The following ZNF98 variants were observed in gnomAD, a reference collection of about 807,000 sequenced individuals.
The protein encoded by ZNF98 is zinc finger protein 739.
ZNF98 carries 8 observed loss-of-function variants against 12.8 expected under a neutral mutation model. That is an observed-to-expected ratio of 0.63 (90% CI 0.37 to 1.13). ZNF98 has a LOEUF of 1.13. Ranked by LOEUF, ZNF98 falls within the 50% of genes most tolerant of loss-of-function variation. The pLI, the probability that ZNF98 is intolerant of heterozygous loss-of-function variation, is 0.01. For synonymous variants in ZNF98, 112 were observed against 223.5 expected (o/e 0.50, Z 4.45); for missense variants, 379 against 666.1 (o/e 0.57, Z 4.74).
chr19:22,404,903 C>T (rs1201652667), intron 1 of ZNF98, among the ~76,000 whole-genome samples: 2 of 152,064 alleles, frequency 1.3e-5, no homozygotes, highest in Non-Finnish European at 2.9e-5. Flanking sequence ...AGAGATAGAA[C>T]CTCAACATTA....
At chr19:22,417,083 G>C (rs1454006709) in intron 1 of ZNF98, among the ~76,000 whole-genome samples, 1 of 151,980 alleles carries the variant, frequency 6.6e-6, no homozygotes, top group Non-Finnish European at 1.5e-5. Flanking sequence ...TACAAAATTA[G>C]CCAGGCGTGG....
chr19:22,412,571 T>C (rs1969591452), intron 1 of ZNF98, among the ~76,000 whole-genome samples: 1 of 151,488 alleles, frequency 6.6e-6, no homozygotes, highest in Non-Finnish European at 1.5e-5. Context: ...ACCAAAATCA[T>C]TTCTGAACGG....
At chr19:22,410,023 T>C (rs1969564257) in intron 1 of ZNF98, among the ~76,000 whole-genome samples, 2 of 151,872 alleles carry the variant, frequency 1.3e-5, no homozygotes, top group Admixed American at 1.3e-4. Flanking sequence ...CACTGATCAT[T>C]AGAGAAATAC....
chr19:22,394,865 A>C (rs1020707318), intron 3 of ZNF98, among the ~76,000 whole-genome samples: 1 of 152,192 alleles, frequency 6.6e-6, no homozygotes, highest in African/African-American at 2.4e-5. Context: ...ACAGGAAACA[A>C]TTATAGCAAG....
chr19:22,398,091 G>C (rs1326593533), intron 3 of ZNF98, among the ~76,000 whole-genome samples: 2 of 151,476 alleles, frequency 1.3e-5, no homozygotes, highest in African/African-American at 4.8e-5. Context: ...GATATAATTT[G>C]AAATACAAAA....
chr19:22,416,075 C>G (rs887006619), intron 1 of ZNF98, among the ~76,000 whole-genome samples: 7 of 150,596 alleles, frequency 4.6e-5, no homozygotes, highest in Admixed American at 6.6e-5. Flanking sequence ...ACCCGGGAGG[C>G]AGAAGTTGCA....
In ZNF98 at chr19:22,405,806, C is replaced by T. The variant is rs907771726; in HGVS notation, c.31-2294G>A. Among the ~76,000 whole-genome samples, 4 of 152,160 alleles carry T rather than the reference C, an allele frequency of 2.6e-5. 1 individual carries two copies. Among genetic ancestry groups the T allele is most frequent in the African/African-American group, 9.6e-5 (4 of 41,458 alleles). ...AACCATCTCTACAGCTCCTGGCAGG[C>T]TTGGTTCCAAGAAGTGTCCCCCACA... On this transcript the variant is annotated intron_variant, in intron 1 of 3. Transcript: ENST00000357774.
intron 3 of ZNF98, among the ~76,000 whole-genome samples, chr19:22,402,113 T>C (rs531395706): frequency 1.5e-4 from 21 of 144,076 alleles, no homozygotes; most frequent in African/African-American, 4.7e-4. Context: ...GAGGCAGAGA[T>C]TGCAGTTAGC....
intron 1 of ZNF98, among the ~76,000 whole-genome samples, chr19:22,416,811 GCACACACACACATA>G (rs1003938832): frequency 2.0e-5 from 3 of 151,016 alleles, no homozygotes; most frequent in South Asian, 2.1e-4. Flanking sequence ...GTTAAAACAT[GCACACACACACATA>G]CACACACACA....
chr19:22,397,712 A>C (rs1387785633), intron 3 of ZNF98, among the ~76,000 whole-genome samples: 1 of 143,532 alleles, frequency 7.0e-6, no homozygotes, highest in Non-Finnish European at 1.5e-5. Context: ...TGCTCAATGC[A>C]ATCTACAGAT....
Position 22,422,322 on chromosome 19 carries a change from T to G in ZNF98, c.-98A>C. 1 of 1,439,980 alleles carries G rather than the reference T, an allele frequency of 6.9e-7. No individual in the cohort carries two copies. Among genetic ancestry groups the G allele is most frequent in the South Asian group, 1.1e-5 (1 of 87,954 alleles). The allele number at this position is 1,439,980 out of a possible 1,614,324, so 89.2% of individuals were successfully genotyped here. ...GAAGGGCGAAGACGAGACCAGGAACTCCGGCTGCAGCGAGAGACAAAGACC... is the reference window on the plus strand; with the variant it reads ...GAAGGGCGAAGACGAGACCAGGAACGCCGGCTGCAGCGAGAGACAAAGACC... On this transcript the variant is annotated 5_prime_UTR_variant, in exon 1 of 4. Transcript: ENST00000357774.
At chr19:22,395,601 G>A (rs1207693317) in intron 3 of ZNF98, among the ~76,000 whole-genome samples, 1 of 151,496 alleles carries the variant, frequency 6.6e-6, no homozygotes, top group East Asian at 1.9e-4. Context: ...CAATTTGGTG[G>A]TAAAAAATAG....
chr19:22,416,602 A>C (rs1270659091), intron 1 of ZNF98, among the ~76,000 whole-genome samples: 1 of 150,676 alleles, frequency 6.6e-6, no homozygotes, highest in Non-Finnish European at 1.5e-5. Context: ...AAAATATAAA[A>C]ATTAGCCAGG....
chr19:22,416,917 C>T (rs576298996), intron 1 of ZNF98, among the ~76,000 whole-genome samples: 1 of 152,118 alleles, frequency 6.6e-6, no homozygotes, highest in South Asian at 2.1e-4. Context: ...AGCAGAAAAC[C>T]AAATGCATGT....
Position 22,403,412 on chromosome 19 carries a change from T to TCTAACATCACATTC in ZNF98, c.117_130dup (p.Glu44GlyfsTer3). ...CACAAAGACCAGGTTTCTGTAGTTC[T>TCTAACATCACATTC]CTAACATCACATTCCTATATAAATT... On this transcript the variant is annotated stop_gained and frameshift_variant, in exon 2 of 4. Transcript: ENST00000357774. LOFTEE classifies it high-confidence loss of function. The TCTAACATCACATTC allele has an allele frequency of 6.2e-7, 1 of 1,601,726 alleles. No individual in the cohort carries two copies.
At chr19:22,394,564 T>C (rs896535077) in intron 3 of ZNF98, among the ~76,000 whole-genome samples, 11 of 152,098 alleles carry the variant, frequency 7.2e-5, no homozygotes, top group African/African-American at 2.7e-4. Context: ...GAAACCATCA[T>C]TCTGAGCACA....
chr19:22,412,888 T>C (rs1969594907), intron 1 of ZNF98, among the ~76,000 whole-genome samples: 1 of 151,506 alleles, frequency 6.6e-6, no homozygotes, highest in Non-Finnish European at 1.5e-5. Flanking sequence ...TCGTCTCTAC[T>C]AAAAATACAA....
chr19:22,416,818 CACACAT>C (rs1969649044), intron 1 of ZNF98, among the ~76,000 whole-genome samples: 1 of 151,308 alleles, frequency 6.6e-6, no homozygotes, highest in Admixed American at 6.5e-5. Context: ...CATGCACACA[CACACAT>C]ACACACACAC....
In ZNF98 at chr19:22,418,773, T is replaced by C. The variant is rs534865783; in HGVS notation, c.30+3422A>G. On this transcript the variant is annotated intron_variant, in intron 1 of 3. Transcript: ENST00000357774. Reference sequence around the variant, plus strand: ...GGTAGGTGCCTGTAATCCCAGCTTCTTGGGAGGCTGAGGCAGGAGAATCGC... The same window carrying C: ...GGTAGGTGCCTGTAATCCCAGCTTCCTGGGAGGCTGAGGCAGGAGAATCGC... Among the ~76,000 whole-genome samples the C allele has an allele frequency of 3.3e-5, 5 of 152,280 alleles. No individual in the cohort carries two copies. In the East Asian group the frequency reaches 9.6e-4, roughly 29 times the overall value.
Sources: allele counts gnomAD v4.1 joint callset (sites outside exome capture counted in the v4.1 genomes callset), GRCh38; gene constraint gnomAD v4.1.1; transcripts MANE v1.5; gene names NCBI Gene and HGNC (gene_info 2026-07-23, HGNC 2026-07-21).